The following RELN variants were observed in gnomAD, a reference collection of about 807,000 sequenced individuals.
RELN encodes the protein reelin.
Under a neutral mutation model 427.6 loss-of-function variants are expected in RELN, and 108 were observed. The observed-to-expected ratio is 0.25, with a 90% CI of 0.22 to 0.30. The LOEUF (loss-of-function observed/expected upper bound fraction) is 0.30. Ranked by LOEUF, RELN falls within the 10% of genes least tolerant of loss-of-function variation. The probability of loss-of-function intolerance (pLI) is 1.00; values close to 1 mark genes in which losing one functional copy is unlikely to be tolerated. For missense variants in RELN, 3,715 were observed against 4,302.8 expected, an observed-to-expected ratio of 0.86 and a Z score of 3.82; for synonymous variants, 1,524 against 1,513.4, an observed-to-expected ratio of 1.01 and a Z score of -0.16.
chr7:103,543,015 T>A, intron 42 of RELN, 137 bp from the exon 43 acceptor site: 3 of 892,086 alleles, frequency 3.4e-6, no homozygotes, highest in Non-Finnish European at 5.3e-6. Context: ...TGTTTTAGGA[T>A]AAGAGGCCTT....
chr7:103,851,013 G>A (rs756070658), intron 2 of RELN, among the ~76,000 whole-genome samples: 5 of 152,138 alleles, frequency 3.3e-5, no homozygotes, highest in Non-Finnish European at 7.3e-5. Context: ...GAAGTCATTC[G>A]AAAAAGATAC....
At chr7:103,843,223 G>T (rs1232893131) in intron 2 of RELN, among the ~76,000 whole-genome samples, 1 of 151,052 alleles carries the variant, frequency 6.6e-6, no homozygotes, top group Non-Finnish European at 1.5e-5. Context: ...TTTTTTTTAG[G>T]AGACAGGGTC....
Position 103,837,034 on chromosome 7 carries a change from T to C in RELN, c.338-3362A>G, listed in dbSNP as rs187916008. Among the ~76,000 whole-genome samples, 253 of 145,014 alleles carry C rather than the reference T, an allele frequency of 1.7e-3. 3 individuals are homozygous for C. The highest frequency in any genetic ancestry group is 6.8e-3 in the African/African-American group (235 of 34,622). On this transcript the variant is annotated intron_variant, in intron 2 of 64. Transcript: ENST00000428762. ...CCAAGATTTAAAAAATATTCTCCTA[T>C]GTTTTCTTTCTACTATTTTATTTTC...
At chr7:103,866,276 TACA>T (rs998495498) in intron 2 of RELN, among the ~76,000 whole-genome samples, 2 of 152,106 alleles carry the variant, frequency 1.3e-5, no homozygotes, top group Admixed American at 6.6e-5. Context: ...ACAGCTTTAA[TACA>T]ACAACAACAA....
chr7:103,932,087 A>G (rs936748013), intron 1 of RELN, among the ~76,000 whole-genome samples: 11 of 152,216 alleles, frequency 7.2e-5, no homozygotes, highest in African/African-American at 2.7e-4. Context: ...ACCTGCACAC[A>G]TATGTTCATT....
chr7:103,524,135 C>A (rs1829770857), intron 46 of RELN, among the ~76,000 whole-genome samples: 1 of 152,188 alleles, frequency 6.6e-6, no homozygotes. Flanking sequence ...CTGGAAGCCT[C>A]AGGGGAGCTG....
chr7:103,739,535 G>A (rs1186443422), intron 6 of RELN, among the ~76,000 whole-genome samples: 6 of 152,162 alleles, frequency 3.9e-5, no homozygotes, highest in Non-Finnish European at 5.9e-5. Context: ...TGGGTTCAAT[G>A]GCACATTGGA....
At chr7:103,720,045 T>C (rs1003758364) in intron 8 of RELN, among the ~76,000 whole-genome samples, 5 of 151,996 alleles carry the variant, frequency 3.3e-5, no homozygotes, top group Non-Finnish European at 5.9e-5. Flanking sequence ...TATGTGTGTG[T>C]ATATGTATAT....
chr7:103,565,103 C>G (rs1584300142), intron 34 of RELN, among the ~76,000 whole-genome samples, 175 bp downstream of exon 34: 1 of 152,202 alleles, frequency 6.6e-6, no homozygotes, highest in African/African-American at 2.4e-5. Context: ...TTGGTGCTCT[C>G]TAGCCACATT....
chr7:103,503,437 T>C (rs367740692), intron 51 of RELN, among the ~76,000 whole-genome samples: 7 of 152,270 alleles, frequency 4.6e-5, no homozygotes, highest in Admixed American at 1.3e-4. Flanking sequence ...GTGCCAAATA[T>C]ATTGTGTAGG....
intron 51 of RELN, 77 bp from the exon 52 acceptor site, chr7:103,503,307 A>T: frequency 7.9e-7 from 1 of 1,267,332 alleles, no homozygotes; most frequent in Non-Finnish European, 1.1e-6. Context: ...GCAGCAAAAA[A>T]GCTGCTGATC....
chr7:103,842,970 A>G (rs1430706448), intron 2 of RELN, among the ~76,000 whole-genome samples: 2 of 152,166 alleles, frequency 1.3e-5, no homozygotes, highest in Non-Finnish European at 2.9e-5. Context: ...AGAGGGGAAA[A>G]GTTGACAGCA....
intron 3 of RELN, among the ~76,000 whole-genome samples, chr7:103,776,883 T>A (rs1791756796): frequency 6.6e-6 from 1 of 152,120 alleles, no homozygotes; most frequent in South Asian, 2.1e-4. Flanking sequence ...ACAGCAGATG[T>A]GCGTAAAGCC....
chr7:103,560,277 T>C (rs148839080), intron 36 of RELN, among the ~76,000 whole-genome samples: 2 of 152,306 alleles, frequency 1.3e-5, no homozygotes, highest in Admixed American at 1.3e-4. Context: ...AAAAAGAGAC[T>C]ATCATATCCT....
chr7:103,474,101 A>G (rs1005232764), intron 64 of RELN, among the ~76,000 whole-genome samples: 1 of 152,194 alleles, frequency 6.6e-6, no homozygotes, highest in Non-Finnish European at 1.5e-5. Flanking sequence ...ACCTAGTATA[A>G]TAGGTATTAT....
chr7:103,635,689 C>T, intron 18 of RELN, 103 bp from the exon 19 acceptor site: 1 of 931,348 alleles, frequency 1.1e-6, no homozygotes, highest in Non-Finnish European at 1.7e-6. Context: ...ACTCACCCCT[C>T]TTTTACAAAA....
At chr7:103,643,318 T>C (rs781573679) in intron 16 of RELN, among the ~76,000 whole-genome samples, 3 of 152,072 alleles carry the variant, frequency 2.0e-5, no homozygotes, top group Non-Finnish European at 4.4e-5. Flanking sequence ...TTCAGCCAAC[T>C]TATATGCTCT....
rs556763861 is a variant in RELN, at chr7:103,830,753, C to T, written c.473+2784G>A. Among the ~76,000 whole-genome samples, 5 of 152,186 alleles carry T rather than the reference C, an allele frequency of 3.3e-5. No individual in the cohort carries two copies. The South Asian group carries it at 1.0e-3, about 32-fold the overall frequency. On this transcript the variant is annotated intron_variant, in intron 3 of 64. Coordinates refer to ENST00000428762, the MANE Select transcript of RELN (RefSeq NM_005045.4). ...TCACTTTTAACTTCTCCTGTACTCT[C>T]TCACAAACTGAGCAGGAAGAGATCA... is the stretch of plus-strand genomic sequence containing the variant.
chr7:103,609,781 TTC>T (rs1831906295), intron 22 of RELN, among the ~76,000 whole-genome samples: 1 of 152,224 alleles, frequency 6.6e-6, no homozygotes, highest in Non-Finnish European at 1.5e-5. Flanking sequence ...TTTAGTAATT[TTC>T]TTTTTACAAA....
Sources: allele counts gnomAD v4.1 joint callset (sites outside exome capture counted in the v4.1 genomes callset), GRCh38; gene constraint gnomAD v4.1.1; transcripts MANE v1.5; gene names NCBI Gene and HGNC (gene_info 2026-07-23, HGNC 2026-07-21).